The following TBCK variants were observed in gnomAD, a reference collection of about 807,000 sequenced individuals.
The protein encoded by TBCK is TBC domain-containing protein kinase-like protein.
In TBCK, 99 loss-of-function variants were observed where a neutral mutation model predicts 113.4. That is an observed-to-expected ratio of 0.87 (90% CI 0.74 to 1.03). The LOEUF is 1.03. Among genes scored for constraint, TBCK ranks in the 50% least tolerant of loss-of-function variants. The pLI, the probability that TBCK is intolerant of heterozygous loss-of-function variation, is 0.00. For missense variants in TBCK, 1,045 were observed against 1,061.3 expected, an observed-to-expected ratio of 0.98 and a Z score of 0.21; for synonymous variants, 369 against 370.8, an observed-to-expected ratio of 1.00 and a Z score of 0.05.
chr4:106,078,055 CAAAATT>C (rs1249986040), intron 25 of TBCK, among the ~76,000 whole-genome samples: 1 of 151,998 alleles, frequency 6.6e-6, no homozygotes, highest in African/African-American at 2.4e-5. Context: ...GGGTAAATAA[CAAAATT>C]AAGGCAGAAA....
rs1361344224 is a variant in TBCK at position 106,232,795 on chromosome 4, T to C, written c.1639+143A>G. 24 of 726,646 alleles carry C rather than the reference T, an allele frequency of 3.3e-5. No homozygotes were observed. The East Asian group carries it at 6.9e-4, about 21-fold the overall frequency. 45.0% of individuals were successfully genotyped at this position (726,646 alleles called of 1,614,324 possible). On this transcript the variant is annotated intron_variant, in intron 17 of 25. Coordinates refer to ENST00000394708, the MANE Select transcript of TBCK (RefSeq NM_001163435.3). ...AAAGATTTTTAAAAATGTTTGGATG[T>C]AAACCTCTCAAAAAATGAATCAGAG... is the stretch of plus-strand genomic sequence containing the variant.
At chr4:106,105,347 AT>A (rs765199720) in intron 24 of TBCK, among the ~76,000 whole-genome samples, 9 of 152,190 alleles carry the variant, frequency 5.9e-5, no homozygotes, top group Non-Finnish European at 1.2e-4. Context: ...TCAAAAAAAA[AT>A]GACCCTTGGC....
chr4:106,115,170 T>C (rs1233598830), intron 24 of TBCK, among the ~76,000 whole-genome samples: 1 of 152,206 alleles, frequency 6.6e-6, no homozygotes, highest in South Asian at 2.1e-4. Context: ...TGAAAACTTA[T>C]TGCTGATTGA....
At chr4:106,058,442 G>A (rs138452391) in intron 25 of TBCK, among the ~76,000 whole-genome samples, 7 of 151,852 alleles carry the variant, frequency 4.6e-5, no homozygotes, top group African/African-American at 1.7e-4. Context: ...GATTTTCTAT[G>A]AGGATTTAAG....
intron 20 of TBCK, among the ~76,000 whole-genome samples, chr4:106,198,249 A>G (rs192733299): frequency 6.6e-6 from 1 of 152,142 alleles, no homozygotes; most frequent in African/African-American, 2.4e-5. Context: ...AGGAAAACTA[A>G]TGTCTGTCTT....
chr4:106,143,765 T>C (rs545857147), intron 23 of TBCK, among the ~76,000 whole-genome samples: 23 of 152,004 alleles, frequency 1.5e-4, no homozygotes, highest in South Asian at 1.5e-3. Context: ...AAATACAAAA[T>C]TAGCCGGGCA....
chr4:106,193,841 A>ACTAGTT, intron 21 of TBCK, 71 bp from the exon 22 acceptor site: 1 of 1,016,856 alleles, frequency 9.8e-7, no homozygotes, highest in East Asian at 2.8e-5. Context: ...AACTTACTTT[A>ACTAGTT]CTAGTTCTAT....
chr4:106,293,868 G>T (rs990786782), intron 3 of TBCK, among the ~76,000 whole-genome samples: 1 of 152,136 alleles, frequency 6.6e-6, no homozygotes, highest in Non-Finnish European at 1.5e-5. Context: ...CTCGTGGCAA[G>T]ATGTTTTATT....
chr4:106,187,985 C>T (rs1753219972), intron 22 of TBCK, among the ~76,000 whole-genome samples: 1 of 152,066 alleles, frequency 6.6e-6, no homozygotes, highest in South Asian at 2.1e-4. Context: ...AAAATCATAC[C>T]ACTTGTGAAA....
chr4:106,216,572 G>C (rs1043554141), intron 19 of TBCK, among the ~76,000 whole-genome samples: 2 of 152,138 alleles, frequency 1.3e-5, no homozygotes, highest in African/African-American at 4.8e-5. Context: ...ACTACCATCA[G>C]AGAATACTAC....
At chr4:106,264,021 T>C (rs1405500051) in intron 3 of TBCK, among the ~76,000 whole-genome samples, 3 of 152,034 alleles carry the variant, frequency 2.0e-5, no homozygotes, top group Admixed American at 2.0e-4. Flanking sequence ...TCAATTCTGG[T>C]GGTAGACTTT....
At chr4:106,281,205 T>G (rs946803600) in intron 3 of TBCK, among the ~76,000 whole-genome samples, 2 of 152,152 alleles carry the variant, frequency 1.3e-5, no homozygotes, top group Non-Finnish European at 2.9e-5. Context: ...TGATTTCTTT[T>G]TCAGCTTGTT....
At chr4:106,188,454 A>C (rs1672400857) in intron 22 of TBCK, among the ~76,000 whole-genome samples, 1 of 152,202 alleles carries the variant, frequency 6.6e-6, no homozygotes, top group Non-Finnish European at 1.5e-5. Flanking sequence ...ATATAAACCT[A>C]ATGCCATCAT....
chr4:106,192,714 G>A (rs1753792515), intron 22 of TBCK, among the ~76,000 whole-genome samples: 1 of 151,946 alleles, frequency 6.6e-6, no homozygotes, highest in African/African-American at 2.4e-5. Context: ...TAAAAATGAG[G>A]GCTGGCAGTA....
At chr4:106,291,917 C>A (rs1277089782) in intron 3 of TBCK, among the ~76,000 whole-genome samples, 2 of 152,108 alleles carry the variant, frequency 1.3e-5, no homozygotes, top group Admixed American at 1.3e-4. Flanking sequence ...ATGAGTTGAC[C>A]GATGTTGACA....
At chr4:106,229,378 G>A (rs1282033796) in intron 19 of TBCK, among the ~76,000 whole-genome samples, 2 of 151,974 alleles carry the variant, frequency 1.3e-5, no homozygotes, top group Non-Finnish European at 2.9e-5. Flanking sequence ...ATAATTTGAG[G>A]TCTTAGATTT....
intron 25 of TBCK, among the ~76,000 whole-genome samples, chr4:106,087,869 A>G (rs1739698074): frequency 6.6e-6 from 1 of 152,252 alleles, no homozygotes; most frequent in Non-Finnish European, 1.5e-5. Context: ...TATTCAGTAA[A>G]TGGTGCTGGG....
intron 25 of TBCK, among the ~76,000 whole-genome samples, chr4:106,084,175 A>G (rs1333370702): frequency 6.6e-6 from 1 of 152,216 alleles, no homozygotes; most frequent in African/African-American, 2.4e-5. Flanking sequence ...AATGCAAAGA[A>G]GCTAAGAAGA....
chr4:106,197,411 G>GTGTGTATATATATATATATATATA (rs35695611), intron 20 of TBCK, among the ~76,000 whole-genome samples: 3 of 122,444 alleles, frequency 2.5e-5, no homozygotes, highest in African/African-American at 9.3e-5. Flanking sequence ...GTGTGTGTGT[G>GTGTGTATATATATATATATATATA]TATATATATA....
Sources: allele counts gnomAD v4.1 joint callset (sites outside exome capture counted in the v4.1 genomes callset), GRCh38; gene constraint gnomAD v4.1.1; transcripts MANE v1.5; gene names NCBI Gene and HGNC (gene_info 2026-07-23, HGNC 2026-07-21).